The following RTTN variants were observed in gnomAD, a reference collection of about 807,000 sequenced individuals.
RTTN encodes the protein rotatin.
Under a neutral mutation model 269.2 loss-of-function variants are expected in RTTN, and 182 were observed. The observed-to-expected ratio is 0.68, with a 90% CI of 0.60 to 0.76. The LOEUF is 0.76. Ranked by LOEUF, RTTN falls within the 30% of genes least tolerant of loss-of-function variation. The pLI, the probability that RTTN is intolerant of heterozygous loss-of-function variation, is 0.00. For missense variants in RTTN, 2,545 were observed against 2,608.6 expected (o/e 0.98, Z 0.53); for synonymous variants, 1,006 against 963.5 (o/e 1.04, Z -0.82).
intron 14 of RTTN, among the ~76,000 whole-genome samples, chr18:70,152,017 G>A (rs947805964): frequency 6.6e-6 from 1 of 152,094 alleles, no homozygotes; most frequent in African/African-American, 2.4e-5. Context: ...TTCTCATAGA[G>A]GACACCAACA....
At chr18:70,021,277 G>A (rs889538886) in intron 44 of RTTN, 1 of 152,770 alleles carries the variant, frequency 6.5e-6, no homozygotes, top group Non-Finnish European at 1.5e-5. Flanking sequence ...AGAAAAGCCA[G>A]TTTGTTGTTC....
At position 70,103,062 on chromosome 18, in the gene RTTN, G is replaced by A. The variant is rs2059216953; in HGVS notation, c.3903+6436C>T. ...TGCCCAGCTGTCCCGTCTGGGAAGT[G>A]AGGAGCGCCTCTGCCCGGCTGCCCC... On this transcript the variant is annotated intron_variant, in intron 28 of 48. Coordinates refer to ENST00000640769, the MANE Select transcript of RTTN (RefSeq NM_173630.4). Among the ~76,000 whole-genome samples, 3 of 148,398 alleles carry A rather than the reference G, an allele frequency of 2.0e-5. No individual in the cohort carries two copies. In the South Asian group the frequency reaches 6.5e-4, roughly 32 times the overall value.
intron 27 of RTTN, among the ~76,000 whole-genome samples, chr18:70,111,025 C>T (rs2145456331): frequency 6.6e-6 from 1 of 152,350 alleles, no homozygotes; most frequent in Middle Eastern, 3.4e-3. Flanking sequence ...CTTGTCTGGG[C>T]AGGGCATCTC....
intron 7 of RTTN, 141 bp from the exon 8 acceptor site, chr18:70,193,594 A>C (rs1432794794): frequency 1.7e-6 from 1 of 602,264 alleles, no homozygotes; most frequent in East Asian, 3.4e-5. Flanking sequence ...ACAAAAGCAA[A>C]GATCAAACTT....
At chr18:70,093,908 C>T (rs770003582) in intron 28 of RTTN, among the ~76,000 whole-genome samples, 5 of 152,156 alleles carry the variant, frequency 3.3e-5, no homozygotes, top group East Asian at 1.9e-4. Flanking sequence ...TAGTAGAATT[C>T]GGCTATGAAT....
intron 31 of RTTN, 34 bp from the exon 32 acceptor site, chr18:70,086,718 A>AGTT: frequency 1.2e-6 from 1 of 855,758 alleles, no homozygotes; most frequent in Non-Finnish European, 1.7e-6. Context: ...AAAAAAAAAA[A>AGTT]AAAAAAAAAA....
chr18:70,066,424 T>C (rs1347416850), intron 34 of RTTN, among the ~76,000 whole-genome samples: 1 of 152,168 alleles, frequency 6.6e-6, no homozygotes, highest in Non-Finnish European at 1.5e-5. Context: ...TTTGCTGAGA[T>C]TGCTTCAGAA....
chr18:70,019,907 C>T (rs1397935627), intron 45 of RTTN: 1 of 152,148 alleles, frequency 6.6e-6, no homozygotes, highest in African/African-American at 2.4e-5. Flanking sequence ...TCAACTTCTG[C>T]AATTTATCTT....
intron 28 of RTTN, among the ~76,000 whole-genome samples, chr18:70,100,081 T>G (rs569281642): frequency 6.6e-6 from 1 of 152,318 alleles, no homozygotes; most frequent in Non-Finnish European, 1.5e-5. Context: ...TTATTTCCAT[T>G]TGAACTTTAA....
intron 14 of RTTN, among the ~76,000 whole-genome samples, chr18:70,152,169 C>T (rs1269658625): frequency 6.6e-6 from 1 of 151,806 alleles, no homozygotes; most frequent in African/African-American, 2.4e-5. Context: ...CCTAGTCTCT[C>T]AGTAGTTGAT....
intron 40 of RTTN, among the ~76,000 whole-genome samples, chr18:70,044,186 G>A (rs1599248613): frequency 6.6e-6 from 1 of 152,266 alleles, no homozygotes; most frequent in African/African-American, 2.4e-5. Flanking sequence ...AACACAATGG[G>A]ATCTTAAATA....
chr18:70,161,781 CAA>C (rs2060838123), intron 14 of RTTN, among the ~76,000 whole-genome samples: 1 of 152,074 alleles, frequency 6.6e-6, no homozygotes, highest in Non-Finnish European at 1.5e-5. Context: ...AAATTCAAAT[CAA>C]AACCACAATG....
intron 14 of RTTN, among the ~76,000 whole-genome samples, chr18:70,156,601 G>T (rs190381091): frequency 1.1e-4 from 17 of 152,176 alleles, no homozygotes; most frequent in African/African-American, 3.9e-4. Context: ...CCTTTTGAAA[G>T]TCCCTAATAA....
At chr18:70,084,474 C>T (rs971907105) in intron 32 of RTTN, among the ~76,000 whole-genome samples, 1 of 152,256 alleles carries the variant, frequency 6.6e-6, no homozygotes, top group Non-Finnish European at 1.5e-5. Flanking sequence ...TAGCTGCACC[C>T]AGAGACAACC....
At chr18:70,067,555 A>G (rs1244083909) in intron 34 of RTTN, among the ~76,000 whole-genome samples, 1 of 152,262 alleles carries the variant, frequency 6.6e-6, no homozygotes, top group Non-Finnish European at 1.5e-5. Flanking sequence ...CAACATTTAT[A>G]GTTCTGTGAA....
At chr18:70,127,381 A>C in intron 25 of RTTN, 121 bp downstream of exon 25, 1 of 1,159,878 alleles carries the variant, frequency 8.6e-7, no homozygotes, top group Non-Finnish European at 1.2e-6. Flanking sequence ...AAAATCCTGG[A>C]GTTTTTCTTT....
chr18:70,202,510 T>C (rs528456916), intron 3 of RTTN, among the ~76,000 whole-genome samples: 28 of 152,364 alleles, frequency 1.8e-4, no homozygotes, highest in African/African-American at 6.3e-4. Flanking sequence ...TTCATGGCAA[T>C]AGTTCCTAAC....
intron 41 of RTTN, 105 bp from the exon 42 acceptor site, chr18:70,030,214 G>C (rs1321527756): frequency 2.8e-6 from 2 of 716,828 alleles, no homozygotes; most frequent in East Asian, 5.4e-5. Context: ...TTCTATTTCT[G>C]ACCCACTTCA....
chr18:70,124,866 G>A (rs2059824567), intron 25 of RTTN, among the ~76,000 whole-genome samples: 1 of 151,992 alleles, frequency 6.6e-6, no homozygotes, highest in South Asian at 2.1e-4. Flanking sequence ...GTGAAAAATG[G>A]AGAAAAACAG....
Sources: allele counts gnomAD v4.1 joint callset (sites outside exome capture counted in the v4.1 genomes callset), GRCh38; gene constraint gnomAD v4.1.1; transcripts MANE v1.5; gene names NCBI Gene and HGNC (gene_info 2026-07-23, HGNC 2026-07-21).